The following IL9R variants were observed in gnomAD, a reference collection of about 807,000 sequenced individuals.
The protein encoded by IL9R is interleukin-9 receptor.
Under a neutral mutation model 56.3 loss-of-function variants are expected in IL9R, and 54 were observed. The ratio of observed to expected loss-of-function variants is 0.96; its 90% confidence interval spans 0.77 to 1.20. The LOEUF is 1.20. Among genes scored for constraint, IL9R ranks in the 50% most tolerant of loss-of-function variants. The pLI is 0.00. For missense variants in IL9R, 545 were observed against 629.8 expected (o/e 0.87, Z 1.44); for synonymous variants, 212 against 250.2 (o/e 0.85, Z 1.44).
chrX:156,006,768 G>A (rs2067995303), intron 7 of IL9R, among the ~76,000 whole-genome samples: 1 of 151,800 alleles, frequency 6.6e-6, no homozygotes, highest in African/African-American at 2.4e-5. Context: ...GTGGGAGGGT[G>A]CTTCGCTTCT....
intron 5 of IL9R, 90 bp downstream of exon 5, chrX:156,004,655 C>G (rs903304961): frequency 7.5e-7 from 1 of 1,330,998 alleles, no homozygotes; most frequent in African/African-American, 1.4e-5. Flanking sequence ...GAGATGTCAA[C>G]TTGTAGTGAT....
At chrX:156,009,073 CTGTG>C (rs1294024948) in intron 8 of IL9R, among the ~76,000 whole-genome samples, 10 of 95,768 alleles carry the variant, frequency 1.0e-4, no homozygotes, top group Non-Finnish European at 1.5e-4. Flanking sequence ...GTGTGTGTGT[CTGTG>C]TGTGTTTGTG....
intron 1 of IL9R, among the ~76,000 whole-genome samples, chrX:155,998,995 G>A (rs771734715): frequency 6.6e-6 from 1 of 152,066 alleles, no homozygotes; most frequent in African/African-American, 2.4e-5. Context: ...CTCCAGCCCT[G>A]GCCCATGGCC....
intron 1 of IL9R, among the ~76,000 whole-genome samples, chrX:155,999,971 CA>C (rs1259991314): frequency 6.6e-6 from 1 of 151,722 alleles, no homozygotes; most frequent in Non-Finnish European, 1.5e-5. Context: ...ACTAAAAATA[CA>C]AAAATTAGCC....
Position 156,004,413 on chromosome X carries a change from G to C in IL9R, c.434-7G>C, listed in dbSNP as rs1415834935. The C allele has an allele frequency of 6.2e-7, 1 of 1,613,788 alleles. No individual in the cohort carries two copies. The highest frequency in any genetic ancestry group is 8.5e-7 in the Non-Finnish European group (1 of 1,179,804). On this transcript the variant is annotated splice_polypyrimidine_tract_variant and splice_region_variant and intron_variant, in intron 4 of 8. Transcript: ENST00000244174. ...CTTCAGCCTCACATGGATTCACTCT[G>C]TTCCAGTTAAGCTGGACCCGCCCTC... is the stretch of plus-strand genomic sequence containing the variant.
intron 8 of IL9R, among the ~76,000 whole-genome samples, chrX:156,008,495 C>T (rs2068145156): frequency 1.3e-5 from 2 of 152,136 alleles, no homozygotes; most frequent in African/African-American, 4.8e-5. Context: ...TCCCTCTTTC[C>T]CCAAGGTGGT....
intron 8 of IL9R, chrX:156,008,068 T>G: frequency 4.2e-6 from 1 of 240,848 alleles, no homozygotes; most frequent in Non-Finnish European, 7.9e-6. Flanking sequence ...GCACCACAGC[T>G]GAGGAGTGGG....
At chrX:156,004,088 G>T in intron 4 of IL9R, 2 of 606,908 alleles carry the variant, frequency 3.3e-6, no homozygotes, top group Middle Eastern at 4.4e-4. Flanking sequence ...GCTAGTTGGG[G>T]CAGGGGCTGG....
At chrX:156,001,326 C>T in intron 1 of IL9R, 1 of 944,890 alleles carries the variant, frequency 1.1e-6, no homozygotes, top group Non-Finnish European at 1.8e-6. Context: ...CTGTGCTTCC[C>T]CAGGTCCTGG....
At chrX:156,003,068 C>G (rs2067651119) in intron 2 of IL9R, 49 bp downstream of exon 2, 1 of 1,610,214 alleles carries the variant, frequency 6.2e-7, no homozygotes, top group African/African-American at 1.3e-5. Context: ...AGAACTAGGG[C>G]ATGTTTGGGG....
chrX:156,009,246 GTGTGTC>G (rs2068282755), intron 8 of IL9R, among the ~76,000 whole-genome samples: 7 of 35,786 alleles, frequency 2.0e-4, no homozygotes, highest in East Asian at 7.0e-3. Flanking sequence ...CGTGTGGTGT[GTGTGTC>G]TGTGTGTGTG....
intron 2 of IL9R, 116 bp downstream of exon 2, chrX:156,003,135 G>A (rs1359553271): frequency 1.5e-6 from 2 of 1,316,014 alleles, no homozygotes; most frequent in Admixed American, 1.8e-5. Context: ...ACTGTGCTGG[G>A]GCATGTCCTC....
rs779474013 is a variant in IL9R at position 156,003,027 on chromosome X, C to T, written c.142+8C>T. ...TCACAGGGGAAGGACAAGGTGAGGG[C>T]TGGGCACTAATGTCTGTATGAGGTG... On this transcript the variant is annotated splice_region_variant and intron_variant, in intron 2 of 8. Transcript: ENST00000244174. The T allele has an allele frequency of 1.2e-6, 2 of 1,613,766 alleles. No individual in the cohort carries two copies. The highest frequency in any genetic ancestry group is 4.5e-5 in the East Asian group (2 of 44,858).
chrX:156,005,361 G>A lies in IL9R; in HGVS notation c.663G>A (p.Glu221=). 2.5e-6 allele frequency: 4 copies of A among 1,612,748 alleles called. No homozygotes were observed. The highest frequency in any genetic ancestry group is 3.4e-6 in the Non-Finnish European group (4 of 1,179,754). Reference sequence around the variant, plus strand: ...AGCTGGACCCTGGCTTTATCCATGAGGCCAGGCTGCGTGTCCAGATGGCCA... The same window carrying A: ...AGCTGGACCCTGGCTTTATCCATGAAGCCAGGCTGCGTGTCCAGATGGCCA... ...AFELDPGFIH[E]ARLRVQMATL... is the part of the protein sequence containing the mutation. The change falls in exon 6 of 9, where the codon GAG becomes GAA. Residue 221 remains glutamate (E), a synonymous_variant. Coordinates refer to ENST00000244174, the MANE Select transcript of IL9R (RefSeq NM_002186.3).
intron 4 of IL9R, 131 bp from the exon 5 acceptor site, chrX:156,004,289 A>C: frequency 1.2e-6 from 1 of 852,346 alleles, no homozygotes; most frequent in Non-Finnish European, 1.9e-6. Flanking sequence ...CCAGTCTCCC[A>C]GTGAGGTGCC....
intron 1 of IL9R, 75 bp from the exon 2 acceptor site, chrX:156,002,831 T>G: frequency 6.2e-7 from 1 of 1,608,704 alleles, no homozygotes; most frequent in Non-Finnish European, 8.5e-7. Context: ...AGCACTCTGC[T>G]GGGGAGCAAT....
intron 8 of IL9R, 141 bp from the exon 9 acceptor site, chrX:156,009,675 G>C: frequency 1.9e-6 from 1 of 513,972 alleles, no homozygotes; most frequent in Non-Finnish European, 3.2e-6. Flanking sequence ...CACAGGCGCT[G>C]CTTGGCCTCT....
In IL9R at chrX:156,003,710, C is replaced by A. The variant is rs1410395525; in HGVS notation, c.288C>A (p.Ile96=). ...NQAPGGTHKC[I]LRGSECTVVL... ...CTCCTGGCGGCACACATAAGTGCAT[C>A]TTGCGGGGCAGTGAGTGCACCGTCG... is the stretch of plus-strand genomic sequence containing the variant. Residue 96 remains isoleucine, a synonymous_variant, in exon 4 of 9, where the codon ATC becomes ATA. Coordinates refer to ENST00000244174, the MANE Select transcript of IL9R (RefSeq NM_002186.3). 2 of 1,613,564 alleles carry A rather than the reference C, an allele frequency of 1.2e-6. No individual in the cohort carries two copies. Among genetic ancestry groups the A allele is most frequent in the Non-Finnish European group, 1.7e-6 (2 of 1,179,736 alleles).
chrX:156,001,987 C>T (rs562214045), intron 1 of IL9R, among the ~76,000 whole-genome samples: 1 of 152,292 alleles, frequency 6.6e-6, no homozygotes, highest in African/African-American at 2.4e-5. Flanking sequence ...CTGCCACCCT[C>T]GTCCACCTTT....
Sources: allele counts gnomAD v4.1 joint callset (sites outside exome capture counted in the v4.1 genomes callset), GRCh38; gene constraint gnomAD v4.1.1; transcripts MANE v1.5; gene names NCBI Gene and HGNC (gene_info 2026-07-23, HGNC 2026-07-21).